TANGO6: variants seen among roughly 807,000 people sequenced by gnomAD.
The protein encoded by TANGO6 is transport and golgi organization 6 homolog.
In TANGO6, 90 loss-of-function variants were observed where a neutral mutation model predicts 114.2. That is an observed-to-expected ratio of 0.79 (90% confidence interval 0.66 to 0.94). TANGO6 has a LOEUF of 0.94. TANGO6 is among the 40% of genes least tolerant of loss of function. The pLI, the probability that TANGO6 is intolerant of heterozygous loss-of-function variation, is 0.00. For missense variants in TANGO6, 1,274 were observed against 1,315.3 expected, an observed-to-expected ratio of 0.97 and a Z score of 0.49; for synonymous variants, 477 against 509.8, an observed-to-expected ratio of 0.94 and a Z score of 0.87.
In TANGO6 at chr16:69,016,421, G is replaced by C. The variant is rs575858658; in HGVS notation, c.2843-6407G>C. Among the ~76,000 whole-genome samples the C allele has an allele frequency of 2.0e-3, 302 of 151,798 alleles. 1 individual carries two copies. Among genetic ancestry groups the C allele is most frequent in the Non-Finnish European group, 3.5e-3 (241 of 67,946 alleles). On this transcript the variant is annotated intron_variant, in intron 15 of 17. Coordinates refer to ENST00000261778, the MANE Select transcript of TANGO6 (RefSeq NM_024562.2). Reference sequence around the variant, plus strand: ...CTCAAAAAAAAAAAAAAGATTTGCCGGATGAATGAATGAGATACCTCTTAG... The same window carrying C: ...CTCAAAAAAAAAAAAAAGATTTGCCCGATGAATGAATGAGATACCTCTTAG...
At chr16:68,844,225 C>A (rs1961769708) in intron 1 of TANGO6, among the ~76,000 whole-genome samples, 1 of 152,068 alleles carries the variant, frequency 6.6e-6, no homozygotes, top group Non-Finnish European at 1.5e-5. Flanking sequence ...CTTTGTGGTG[C>A]GTGGACAGTT....
At chr16:68,964,563 A>AT (rs762474177) in intron 14 of TANGO6, among the ~76,000 whole-genome samples, 3,131 of 133,352 alleles carry the variant, frequency 0.023, 62 homozygotes, top group South Asian at 0.037. Context: ...AAACATATTA[A>AT]TTTTTTTTTT....
In TANGO6 at chr16:68,911,710, A is replaced by C. The variant is rs1027712098; in HGVS notation, c.1992+2308A>C. 2.0e-5 allele frequency among the ~76,000 whole-genome samples: 3 copies of C among 152,162 alleles called. No homozygotes were observed. In the South Asian group the frequency reaches 6.2e-4, roughly 31 times the overall value. On this transcript the variant is annotated intron_variant, in intron 11 of 17. Coordinates refer to ENST00000261778, the MANE Select transcript of TANGO6 (RefSeq NM_024562.2). ...ATTACAGGCATGAGCCACTGTGCCCAGCCCAATTTATAGTTTCTAAATACC... is the reference window on the plus strand; with the variant it reads ...ATTACAGGCATGAGCCACTGTGCCCCGCCCAATTTATAGTTTCTAAATACC...
chr16:68,908,635 G>T (rs1029255948), intron 10 of TANGO6, among the ~76,000 whole-genome samples: 9 of 152,124 alleles, frequency 5.9e-5, no homozygotes, highest in African/African-American at 1.9e-4. Flanking sequence ...AGCCAAAAAG[G>T]GTAGGTGAAT....
At chr16:69,003,570 A>G (rs2152221879) in intron 15 of TANGO6, among the ~76,000 whole-genome samples, 1 of 152,350 alleles carries the variant, frequency 6.6e-6, no homozygotes, top group African/African-American at 2.4e-5. Context: ...TTTCAGTCTT[A>G]CTGAAAGCAA....
At chr16:68,916,200 C>T (rs543161504) in intron 11 of TANGO6, among the ~76,000 whole-genome samples, 34 of 152,250 alleles carry the variant, frequency 2.2e-4, no homozygotes, top group African/African-American at 5.1e-4. Context: ...CCCCAGGCCA[C>T]GGACTGGTAC....
intron 14 of TANGO6, among the ~76,000 whole-genome samples, chr16:68,932,336 C>G (rs1823760381): frequency 6.7e-6 from 1 of 150,246 alleles, no homozygotes; most frequent in African/African-American, 2.5e-5. Context: ...GGTGATCCAC[C>G]CGCCTCGGCC....
At chr16:68,880,333 T>A (rs1335374840) in intron 6 of TANGO6, among the ~76,000 whole-genome samples, 1 of 151,596 alleles carries the variant, frequency 6.6e-6, no homozygotes, top group African/African-American at 2.4e-5. Flanking sequence ...TGTTTTTTCT[T>A]AGTGATACAT....
At position 68,853,784 on chromosome 16, in the gene TANGO6, C is replaced by T. The variant is rs1264598524; in HGVS notation, c.95-6100C>T. On this transcript the variant is annotated intron_variant, in intron 1 of 17. Coordinates refer to ENST00000261778, the MANE Select transcript of TANGO6 (RefSeq NM_024562.2). ...GTGTATGAGAGTTCCAGTTGCTTCA[C>T]GTCATTTGGTAGTGTCAATCTTTGT... 2.0e-5 allele frequency among the ~76,000 whole-genome samples: 3 copies of T among 152,100 alleles called. No individual in the cohort carries two copies. In the East Asian group the frequency reaches 5.8e-4, roughly 29 times the overall value.
At chr16:68,906,217 G>A (rs923399956) in intron 9 of TANGO6, among the ~76,000 whole-genome samples, 4 of 151,962 alleles carry the variant, frequency 2.6e-5, no homozygotes, top group South Asian at 2.1e-4. Flanking sequence ...AGAAATTTTC[G>A]CAGTAACCAT....
At chr16:68,920,057 TAAAC>T (rs1963069253) in intron 12 of TANGO6, among the ~76,000 whole-genome samples, 3 of 152,044 alleles carry the variant, frequency 2.0e-5, no homozygotes, top group African/African-American at 4.8e-5. Flanking sequence ...CAAAAAAAAT[TAAAC>T]AAACAAAACC....
chr16:69,071,779 G>A (rs1026461567), intron 17 of TANGO6, among the ~76,000 whole-genome samples: 7 of 152,164 alleles, frequency 4.6e-5, no homozygotes, highest in African/African-American at 9.7e-5. Flanking sequence ...CAACCACTCC[G>A]CAAATGTTCC....
intron 11 of TANGO6, among the ~76,000 whole-genome samples, chr16:68,910,429 T>C (rs902319553): frequency 6.6e-6 from 1 of 152,190 alleles, no homozygotes; most frequent in Non-Finnish European, 1.5e-5. Flanking sequence ...CCAGACCTTA[T>C]GTTTTTGTCT....
In TANGO6 at chr16:68,849,971, CTTTTTTTTTTTTT is replaced by C. The variant is rs560571416; in HGVS notation, c.94+6268_94+6280del. On this transcript the variant is annotated intron_variant, in intron 1 of 17. Coordinates refer to ENST00000261778, the MANE Select transcript of TANGO6 (RefSeq NM_024562.2). ...TTACATATTTGTCTTTCTAGCGGTT[CTTTTTTTTTTTTT>C]TTTTTTTGAGACGGAATCTTGCTCT... is the stretch of plus-strand genomic sequence containing the variant. Among the ~76,000 whole-genome samples, 4 of 114,862 alleles carry C rather than the reference CTTTTTTTTTTTTT, an allele frequency of 3.5e-5. No individual in the cohort carries two copies. In the Admixed American group the frequency reaches 3.7e-4, roughly 11 times the overall value. 75.4% of individuals were successfully genotyped at this position (114,862 alleles called of 152,430 possible).
intron 7 of TANGO6, among the ~76,000 whole-genome samples, chr16:68,899,974 AGTG>A (rs1962761208): frequency 6.6e-6 from 1 of 152,126 alleles, no homozygotes. Flanking sequence ...ACATCTTAAG[AGTG>A]ATGAAACTGG....
intron 1 of TANGO6, among the ~76,000 whole-genome samples, chr16:68,849,822 A>G (rs1567522855): frequency 1.3e-5 from 2 of 152,038 alleles, no homozygotes; most frequent in African/African-American, 4.8e-5. Flanking sequence ...TATTTTATAA[A>G]TTTTTTCTAA....
chr16:69,043,083 A>G (rs1206271312), intron 17 of TANGO6, among the ~76,000 whole-genome samples: 1 of 152,080 alleles, frequency 6.6e-6, no homozygotes, highest in Non-Finnish European at 1.5e-5. Flanking sequence ...AAAAGTAGCC[A>G]GGTGTGGTGG....
At chr16:69,057,011 T>C (rs1960042798) in intron 17 of TANGO6, among the ~76,000 whole-genome samples, 1 of 133,612 alleles carries the variant, frequency 7.5e-6, no homozygotes, top group Admixed American at 7.5e-5. Flanking sequence ...TTTTTTTTTT[T>C]TTTTTTTTTT....
intron 14 of TANGO6, among the ~76,000 whole-genome samples, chr16:68,959,324 C>T (rs958497885): frequency 6.6e-6 from 1 of 152,140 alleles, no homozygotes; most frequent in Non-Finnish European, 1.5e-5. Context: ...TGCGGTGGCT[C>T]ACGACTGTAA....
Sources: gnomAD v4.1 joint callset for allele counts (sites outside exome capture counted in the v4.1 genomes callset) on GRCh38, gnomAD v4.1.1 for gene constraint, MANE v1.5 for transcripts, NCBI Gene and HGNC (gene_info 2026-07-23, HGNC 2026-07-21) for gene names.